The following TRAPPC12 variants were observed in gnomAD, a reference collection of about 807,000 sequenced individuals.
TRAPPC12 encodes the protein trafficking protein particle complex subunit 12.
TRAPPC12 carries 61 observed loss-of-function variants against 69.2 expected under a neutral mutation model. The ratio of observed to expected loss-of-function variants is 0.88; its 90% CI spans 0.72 to 1.09. The LOEUF is 1.09. TRAPPC12 is among the 50% of genes least tolerant of loss of function. TRAPPC12 has a pLI of 0.00. For missense variants in TRAPPC12, 1,101 were observed against 1,016.4 expected (o/e 1.08, Z -1.13); for synonymous variants, 469 against 438.9 (o/e 1.07, Z -0.86).
intron 3 of TRAPPC12, among the ~76,000 whole-genome samples, chr2:3,415,091 G>A (rs1030540167): frequency 1.3e-5 from 2 of 152,128 alleles, no homozygotes; most frequent in African/African-American, 2.4e-5. Flanking sequence ...TCTGCTGCTT[G>A]TGTTTATGCA....
intron 7 of TRAPPC12, among the ~76,000 whole-genome samples, chr2:3,459,467 T>TC (rs34255336): frequency 1.3e-5 from 2 of 151,068 alleles, no homozygotes; most frequent in East Asian, 3.9e-4. Context: ...CAGCCCACCC[T>TC]CCCCCCAGGG....
intron 3 of TRAPPC12, among the ~76,000 whole-genome samples, chr2:3,405,701 G>T (rs1169984828): frequency 6.6e-6 from 1 of 152,112 alleles, no homozygotes; most frequent in Non-Finnish European, 1.5e-5. Flanking sequence ...CCATTTATGG[G>T]ATTTACTCAG....
chr2:3,382,482 A>T (rs888832500), intron 1 of TRAPPC12, among the ~76,000 whole-genome samples: 16 of 152,166 alleles, frequency 1.1e-4, no homozygotes, highest in African/African-American at 3.6e-4. Flanking sequence ...TGTGTTATTT[A>T]TGAAATTCAG....
At position 3,478,775 on chromosome 2, in the gene TRAPPC12, CT is replaced by C. The variant is rs528406146; in HGVS notation, c.1878-70del. 2.1e-3 allele frequency: 2,946 copies of C among 1,382,958 alleles called. 5 individuals are homozygous for C. The highest frequency in any genetic ancestry group is 2.7e-3 in the Non-Finnish European group (2,636 of 976,476). 85.7% of individuals were successfully genotyped at this position (1,382,958 alleles called of 1,614,324 possible). The stretch of plus-strand genomic sequence containing the variant: ...TGGGTCTCTGTGGGATCCAAAGCCC[CT>C]GTGGGTTGTGTTGGGGGACAGCAGC... On this transcript the variant is annotated intron_variant, in intron 10 of 11. Coordinates refer to ENST00000324266, the MANE Select transcript of TRAPPC12 (RefSeq NM_016030.6).
In TRAPPC12 at chr2:3,426,902, G is replaced by T. The variant is rs78684093; in HGVS notation, c.1417+2239G>T. Among the ~76,000 whole-genome samples the T allele has an allele frequency of 3.0e-3, 452 of 152,348 alleles. 1 individual carries two copies. The highest frequency in any genetic ancestry group is 5.5e-3 in the Non-Finnish European group (373 of 68,044). On this transcript the variant is annotated intron_variant, in intron 5 of 11. Transcript: ENST00000324266. ...TGTTCAAGGGCTACTGTTCTACCTT[G>T]TAAATTAACTGGGCTCCCTGATTCT... is the stretch of plus-strand genomic sequence containing the variant.
chr2:3,409,788 A>C (rs1488812903), intron 3 of TRAPPC12, among the ~76,000 whole-genome samples: 1 of 150,128 alleles, frequency 6.7e-6, no homozygotes, highest in Non-Finnish European at 1.5e-5. Context: ...AGGGGAAGAA[A>C]TGAAAAAATC....
At chr2:3,448,596 C>T (rs1228758535) in intron 6 of TRAPPC12, among the ~76,000 whole-genome samples, 4 of 149,996 alleles carry the variant, frequency 2.7e-5, no homozygotes, top group Admixed American at 6.6e-5. Flanking sequence ...GGAGAGCAGC[C>T]GGTTACTCGA....
intron 8 of TRAPPC12, 144 bp from the exon 9 acceptor site, chr2:3,465,453 G>A: frequency 1.6e-6 from 1 of 621,908 alleles, no homozygotes; most frequent in Admixed American, 2.7e-5. Context: ...AGCACCGCGT[G>A]CTGGTTTCCA....
chr2:3,446,978 T>C (rs1271836808), intron 6 of TRAPPC12, among the ~76,000 whole-genome samples: 2 of 152,240 alleles, frequency 1.3e-5, no homozygotes, highest in Non-Finnish European at 2.9e-5. Context: ...TCCATCTGGC[T>C]TTGCCATAAA....
intron 5 of TRAPPC12, 113 bp from the exon 6 acceptor site, chr2:3,443,666 G>C (rs1664341652): frequency 2.6e-6 from 2 of 766,336 alleles, no homozygotes; most frequent in Non-Finnish European, 4.7e-6. Context: ...AGAAATAAAG[G>C]GATCTGTCAT....
intron 6 of TRAPPC12, among the ~76,000 whole-genome samples, chr2:3,448,635 G>C (rs9798097): frequency 2.3e-5 from 1 of 44,066 alleles, no homozygotes; most frequent in Admixed American, 1.8e-4. Flanking sequence ...AGCCGGTTAC[G>C]CGAGGGTAGG....
intron 3 of TRAPPC12, among the ~76,000 whole-genome samples, chr2:3,406,579 A>G (rs561634336): frequency 6.6e-6 from 1 of 152,342 alleles, no homozygotes; most frequent in Non-Finnish European, 1.5e-5. Flanking sequence ...TAAAGGGGAA[A>G]AAACAGCTAA....
intron 3 of TRAPPC12, among the ~76,000 whole-genome samples, chr2:3,418,399 A>T (rs6711292): frequency 0.65 from 99,542 of 152,060 alleles, 33,005 homozygotes; most frequent in African/African-American, 0.76. Context: ...CAGGTATCAG[A>T]CGCAAGCCAC....
At chr2:3,448,616 G>T (rs906639646) in intron 6 of TRAPPC12, among the ~76,000 whole-genome samples, 3 of 126,642 alleles carry the variant, frequency 2.4e-5, no homozygotes, top group Admixed American at 7.3e-5. Context: ...AGGGTAGGGC[G>T]TCTAGAGCAG....
intron 1 of TRAPPC12, among the ~76,000 whole-genome samples, chr2:3,386,344 A>T (rs930608279): frequency 9.9e-5 from 15 of 152,226 alleles, no homozygotes; most frequent in Non-Finnish European, 1.5e-5. Context: ...AAAGTTTTTC[A>T]AGAAAAAGAA....
intron 1 of TRAPPC12, among the ~76,000 whole-genome samples, chr2:3,380,179 C>T (rs748232016): frequency 2.0e-5 from 3 of 152,264 alleles, no homozygotes; most frequent in Middle Eastern, 6.8e-3. Context: ...GGGAAACTAC[C>T]CGCTGGCGCG....
At chr2:3,393,133 A>T (rs1282088508) in intron 2 of TRAPPC12, among the ~76,000 whole-genome samples, 1 of 152,184 alleles carries the variant, frequency 6.6e-6, no homozygotes, top group African/African-American at 2.4e-5. Context: ...AATGTTTTTA[A>T]AGAAAAGAAA....
intron 4 of TRAPPC12, among the ~76,000 whole-genome samples, chr2:3,424,068 C>T (rs1438516627): frequency 2.0e-5 from 3 of 152,208 alleles, no homozygotes; most frequent in Admixed American, 2.0e-4. Context: ...CGCCGTCATT[C>T]CCCCGCCCTC....
chr2:3,395,041 T>G (rs559807552), intron 2 of TRAPPC12, among the ~76,000 whole-genome samples: 1 of 152,082 alleles, frequency 6.6e-6, no homozygotes, highest in East Asian at 1.9e-4. Flanking sequence ...GGGTAAAAAC[T>G]TAATAGTATA....
Sources: gnomAD v4.1 joint callset for allele counts (sites outside exome capture counted in the v4.1 genomes callset) on GRCh38, gnomAD v4.1.1 for gene constraint, MANE v1.5 for transcripts, NCBI Gene and HGNC (gene_info 2026-07-23, HGNC 2026-07-21) for gene names.